Variants in CGNL1 observed in about 807,000 individuals in gnomAD.
CGNL1 encodes the protein cingulin-like protein 1.
A neutral mutation model predicts 141.2 loss-of-function variants in CGNL1; 132 were observed. The ratio of observed to expected loss-of-function variants is 0.93; its 90% CI spans 0.81 to 1.08. The LOEUF (loss-of-function observed/expected upper bound fraction) is 1.08. Ranked by LOEUF, CGNL1 falls within the 50% of genes least tolerant of loss-of-function variation. The pLI is 0.00. For missense variants in CGNL1, 1,870 were observed against 1,588.6 expected (o/e 1.18, Z -3.01); for synonymous variants, 690 against 622.1 (o/e 1.11, Z -1.63).
chr15:57,492,234 T>C (rs2063875190), intron 8 of CGNL1, among the ~76,000 whole-genome samples: 1 of 152,184 alleles, frequency 6.6e-6, no homozygotes, highest in Non-Finnish European at 1.5e-5. Flanking sequence ...GAGGCACATC[T>C]TAAGGGAGGT....
intron 8 of CGNL1, among the ~76,000 whole-genome samples, chr15:57,511,578 C>T (rs2030308544): frequency 6.6e-6 from 1 of 152,182 alleles, no homozygotes; most frequent in Non-Finnish European, 1.5e-5. Flanking sequence ...GTTTCTAGCC[C>T]CACCAGCAAT....
chr15:57,519,919 C>G (rs1197419188), intron 10 of CGNL1, among the ~76,000 whole-genome samples: 2 of 152,224 alleles, frequency 1.3e-5, no homozygotes, highest in Non-Finnish European at 2.9e-5. Flanking sequence ...GGTTCCCCTG[C>G]TGGGTATCTG....
chr15:57,402,959 C>A (rs887303408), intron 1 of CGNL1, among the ~76,000 whole-genome samples: 1 of 152,094 alleles, frequency 6.6e-6, no homozygotes, highest in Non-Finnish European at 1.5e-5. Context: ...TGCACATATG[C>A]GTAATTCCAA....
At chr15:57,402,196 A>G (rs1387486733) in intron 1 of CGNL1, among the ~76,000 whole-genome samples, 1 of 152,200 alleles carries the variant, frequency 6.6e-6, no homozygotes, top group Non-Finnish European at 1.5e-5. Flanking sequence ...TGCTCTCCCC[A>G]TAGTGAGTGA....
intron 8 of CGNL1, among the ~76,000 whole-genome samples, chr15:57,507,984 A>G (rs1409014810): frequency 6.6e-6 from 1 of 152,212 alleles, no homozygotes; most frequent in Non-Finnish European, 1.5e-5. Flanking sequence ...TCATACATGA[A>G]TTGTTAGCGG....
intron 1 of CGNL1, among the ~76,000 whole-genome samples, chr15:57,407,899 C>T (rs1348517653): frequency 1.3e-5 from 2 of 151,790 alleles, no homozygotes; most frequent in African/African-American, 4.8e-5. Flanking sequence ...CAGATGCCCA[C>T]CACCACGCCT....
intron 8 of CGNL1, among the ~76,000 whole-genome samples, chr15:57,507,077 A>G (rs989075146): frequency 6.6e-6 from 1 of 152,124 alleles, no homozygotes; most frequent in Non-Finnish European, 1.5e-5. Flanking sequence ...TTTCATCTGA[A>G]TTCCCCCTTT....
chr15:57,389,160 G>A (rs114001225), intron 1 of CGNL1, among the ~76,000 whole-genome samples: 4,207 of 152,118 alleles, frequency 0.028, 117 homozygotes, highest in Admixed American at 0.079. Flanking sequence ...CTGCTTTCTA[G>A]CAAAGTTAAA....
chr15:57,452,298 T>A lies in CGNL1; in HGVS notation c.2054+9T>A. The A allele has an allele frequency of 6.2e-7, 1 of 1,611,392 alleles. No individual in the cohort carries two copies. The highest frequency in any genetic ancestry group is 8.5e-7 in the Non-Finnish European group (1 of 1,178,822). On this transcript the variant is annotated intron_variant, in intron 6 of 18. Transcript: ENST00000281282. ...CGGAAGAATCTGGAGGAGTAAGTTC[T>A]GGGCTGAGAGCCTGTTGCCCTTCCC...
At chr15:57,381,685 G>C (rs1191242117) in intron 1 of CGNL1, among the ~76,000 whole-genome samples, 1 of 152,192 alleles carries the variant, frequency 6.6e-6, no homozygotes, top group Non-Finnish European at 1.5e-5. Flanking sequence ...TTAAGAAATT[G>C]TGTTCTCAGT....
intron 8 of CGNL1, 143 bp from the exon 9 acceptor site, chr15:57,516,637 C>G: frequency 1.3e-6 from 1 of 763,698 alleles, no homozygotes; most frequent in South Asian, 1.7e-5. Flanking sequence ...GGCCTGCAGG[C>G]TGTCGTTTGC....
At chr15:57,490,005 G>C (rs189401237) in intron 8 of CGNL1, among the ~76,000 whole-genome samples, 1 of 152,186 alleles carries the variant, frequency 6.6e-6, no homozygotes, top group South Asian at 2.1e-4. Flanking sequence ...ACCCTGCTTT[G>C]TGTGCAGCCT....
At chr15:57,535,242 G>T (rs1351823004) in intron 14 of CGNL1, among the ~76,000 whole-genome samples, 2 of 152,228 alleles carry the variant, frequency 1.3e-5, no homozygotes, top group African/African-American at 2.4e-5. Context: ...TACCTGCTGT[G>T]TGCATGGCAT....
At chr15:57,446,286 T>C (rs1448804521) in intron 4 of CGNL1, among the ~76,000 whole-genome samples, 2 of 152,152 alleles carry the variant, frequency 1.3e-5, no homozygotes, top group African/African-American at 4.8e-5. Context: ...ATAGGTTTGC[T>C]TCCATGCAAA....
chr15:57,507,079 T>C (rs1286504526), intron 8 of CGNL1, among the ~76,000 whole-genome samples: 1 of 152,166 alleles, frequency 6.6e-6, no homozygotes, highest in African/African-American at 2.4e-5. Flanking sequence ...TCATCTGAAT[T>C]CCCCCTTTCC....
At chr15:57,437,728 G>T (rs978402322) in intron 1 of CGNL1, among the ~76,000 whole-genome samples, 4 of 150,982 alleles carry the variant, frequency 2.6e-5, no homozygotes, top group Non-Finnish European at 5.9e-5. Flanking sequence ...CATTACACGG[G>T]TTGTCTGCCC....
At chr15:57,498,822 T>TG (rs1396621686) in intron 8 of CGNL1, among the ~76,000 whole-genome samples, 1 of 151,938 alleles carries the variant, frequency 6.6e-6, no homozygotes, top group African/African-American at 2.4e-5. Context: ...GGAGGAAGTA[T>TG]GGTCCAGGAG....
At chr15:57,437,634 A>G (rs2063121984) in intron 1 of CGNL1, among the ~76,000 whole-genome samples, 1 of 144,206 alleles carries the variant, frequency 6.9e-6, no homozygotes, top group African/African-American at 2.7e-5. Flanking sequence ...AAAAAAAAAA[A>G]AAAAAAAAAA....
chr15:57,527,963 G>A (rs1198634481), intron 12 of CGNL1, among the ~76,000 whole-genome samples: 3 of 152,134 alleles, frequency 2.0e-5, no homozygotes, highest in Non-Finnish European at 4.4e-5. Flanking sequence ...TAGTAAAAAC[G>A]ACATTTTGCA....
Sources: gnomAD v4.1 joint callset for allele counts (sites outside exome capture counted in the v4.1 genomes callset) on GRCh38, gnomAD v4.1.1 for gene constraint, MANE v1.5 for transcripts, NCBI Gene and HGNC (gene_info 2026-07-23, HGNC 2026-07-21) for gene names.